KIF11: variants seen among roughly 807,000 people sequenced by gnomAD.
KIF11 encodes the protein kinesin family member 11.
Under a neutral mutation model 121.0 loss-of-function variants are expected in KIF11, and 9 were observed. That is an observed-to-expected ratio of 0.07 (90% CI 0.04 to 0.13). KIF11 has a LOEUF of 0.13. Among genes scored for constraint, KIF11 ranks in the 10% least tolerant of loss-of-function variants. The probability of loss-of-function intolerance (pLI) is 1.00; values close to 1 mark genes in which losing one functional copy is unlikely to be tolerated. For missense variants in KIF11, 846 were observed against 1,217.5 expected, an observed-to-expected ratio of 0.69 and a Z score of 4.54; for synonymous variants, 408 against 421.0, an observed-to-expected ratio of 0.97 and a Z score of 0.38.
intron 4 of KIF11, among the ~76,000 whole-genome samples, chr10:92,608,369 G>A (rs1208676890): frequency 6.6e-6 from 1 of 151,794 alleles, no homozygotes; most frequent in African/African-American, 2.4e-5. Flanking sequence ...AGATAATAAA[G>A]TTATGAAATT....
intron 21 of KIF11, among the ~76,000 whole-genome samples, chr10:92,651,092 T>C (rs1040236626): frequency 6.6e-6 from 1 of 152,094 alleles, no homozygotes; most frequent in Non-Finnish European, 1.5e-5. Context: ...AGTGGCACGA[T>C]CTTGGCTCAC....
In KIF11 at chr10:92,607,150, T is replaced by TTAAATTAACACTTTTAATTTAACA; in HGVS notation, c.309-9_309-8insTAAATTAACACTTTTAATTTAACA. 1 of 1,562,320 alleles carries TTAAATTAACACTTTTAATTTAACA rather than the reference T, an allele frequency of 6.4e-7. No individual in the cohort carries two copies. The highest frequency in any genetic ancestry group is 1.3e-5 in the African/African-American group (1 of 74,098). ...TTCTTTTTGATTTAACACTTGTTAA[T>TTAAATTAACACTTTTAATTTAACA]CTTTACAGGTATGGCCAAACTGGCA... On this transcript the variant is annotated splice_polypyrimidine_tract_variant and intron_variant, in intron 3 of 21. Transcript: ENST00000260731.
In KIF11 at chr10:92,613,248, A is replaced by G. The variant is rs1039898421; in HGVS notation, c.789+118A>G. 97 of 1,074,258 alleles carry G rather than the reference A, an allele frequency of 9.0e-5. 1 individual carries two copies. The African/African-American group carries it at 1.4e-3, about 16-fold the overall frequency. The allele number at this position is 1,074,258 out of a possible 1,614,324, so 66.5% of individuals were successfully genotyped here. A position where few individuals can be genotyped will look rare whatever the true frequency, so the allele number is the denominator to read the frequency against. On this transcript the variant is annotated intron_variant, in intron 7 of 21. Coordinates refer to ENST00000260731, the MANE Select transcript of KIF11 (RefSeq NM_004523.4). This position sits in a 1 kb window ranked among gnomAD's most constrained non-coding sequence, Gnocchi z 4.2. ...TGGGTGATTAGCTTTGTAGTGGGAG[A>G]AGAAATTTGTTAATTACAGAAAAAA...
In KIF11 at chr10:92,648,108, C is replaced by CAAAAA. The variant is rs34357393; in HGVS notation, c.2548-94_2548-90dup. 4.2e-4 allele frequency: 289 copies of CAAAAA among 685,378 alleles called. 1 individual carries two copies. The African/African-American group carries it at 5.1e-3, about 12-fold the overall frequency. 42.5% of individuals were successfully genotyped at this position (685,378 alleles called of 1,614,324 possible). Reference sequence around the variant, plus strand: ...TGGGCAACAGAGTGAGACTTGTCTCCAAAAAAAAAAAAAATTATGGAAAAG... The same window carrying CAAAAA: ...TGGGCAACAGAGTGAGACTTGTCTCCAAAAAAAAAAAAAAAAAAATTATGGAAAAG... On this transcript the variant is annotated intron_variant, in intron 18 of 21. Transcript: ENST00000260731.
chr10:92,615,623 T>C (rs1338316128), intron 8 of KIF11, among the ~76,000 whole-genome samples: 1 of 152,148 alleles, frequency 6.6e-6, no homozygotes, highest in Admixed American at 6.5e-5. Context: ...TGAAATTACT[T>C]TTCCATTTGC....
chr10:92,602,249 A>C (rs1288053883), intron 1 of KIF11, among the ~76,000 whole-genome samples: 1 of 152,128 alleles, frequency 6.6e-6, no homozygotes, highest in Non-Finnish European at 1.5e-5. Context: ...TGGCTTTGGT[A>C]TCAGGGTAAT....
intron 19 of KIF11, among the ~76,000 whole-genome samples, chr10:92,649,576 C>G (rs1199354249): frequency 6.6e-6 from 1 of 152,084 alleles, no homozygotes; most frequent in Non-Finnish European, 1.5e-5. Flanking sequence ...TATAACACAT[C>G]TTTTATATAT....
intron 9 of KIF11, among the ~76,000 whole-genome samples, chr10:92,619,615 G>A (rs6583829): frequency 0.15 from 22,682 of 151,962 alleles, 3,602 homozygotes; most frequent in African/African-American, 0.4. Context: ...TGAGTGATCT[G>A]ATTTCTTCAC....
Position 92,649,997 on chromosome 10 carries a change from A to G in KIF11, c.2922+11A>G. The G allele has an allele frequency of 6.3e-7, 1 of 1,594,666 alleles. No homozygotes were observed. The highest frequency in any genetic ancestry group is 8.6e-7 in the Non-Finnish European group (1 of 1,164,588). On this transcript the variant is annotated intron_variant, in intron 20 of 21. Transcript: ENST00000260731. The stretch of plus-strand genomic sequence containing the variant: ...GAAGAGACAATTCCGGTAAATTTAA[A>G]GGATCATATTTTATAATAGAACTCT...
intron 1 of KIF11, among the ~76,000 whole-genome samples, chr10:92,598,682 G>T (rs1442045589): frequency 6.6e-6 from 1 of 152,216 alleles, no homozygotes; most frequent in Non-Finnish European, 1.5e-5. Context: ...ACTTTGGGTA[G>T]TATTGGCATC....
At position 92,653,724 on chromosome 10, in the gene KIF11, T is replaced by C; in HGVS notation, c.3099T>C (p.Ser1033=). The C allele has an allele frequency of 1.2e-6, 2 of 1,613,360 alleles. No homozygotes were observed. Among genetic ancestry groups the C allele is most frequent in the Admixed American group, 1.7e-5 (1 of 60,020 alleles). ...GAGGCATTAACACACTGGAGAGGTC[T>C]AAAGTGGAAGAAACTACAGAGCACT... ...ENRGINTLER[S]KVEETTEHLV... The change falls in exon 22 of 22, where the codon TCT becomes TCC. Residue 1033 remains serine (S), a synonymous_variant. Coordinates refer to ENST00000260731, the MANE Select transcript of KIF11 (RefSeq NM_004523.4).
At chr10:92,601,548 T>A (rs1844371732) in intron 1 of KIF11, among the ~76,000 whole-genome samples, 1 of 152,022 alleles carries the variant, frequency 6.6e-6, no homozygotes, top group Non-Finnish European at 1.5e-5. Context: ...AGCTAGAACT[T>A]ACAGTATTAT....
chr10:92,609,797 C>T (rs553219694), intron 6 of KIF11, among the ~76,000 whole-genome samples: 29 of 152,142 alleles, frequency 1.9e-4, no homozygotes, highest in Non-Finnish European at 3.5e-4. Flanking sequence ...AGTGCAGTGG[C>T]GCGATCTTGA....
At chr10:92,643,286 T>A (rs1844885137) in intron 17 of KIF11, among the ~76,000 whole-genome samples, 1 of 152,198 alleles carries the variant, frequency 6.6e-6, no homozygotes, top group Non-Finnish European at 1.5e-5. Flanking sequence ...TTTTAAATAT[T>A]CCCTTTTTAG....
chr10:92,630,897 ATAACT>A (rs1315468978), intron 12 of KIF11, among the ~76,000 whole-genome samples: 4 of 150,954 alleles, frequency 2.6e-5, no homozygotes, highest in Admixed American at 2.6e-4. Flanking sequence ...AAAATAGAAC[ATAACT>A]TTATAATATA....
intron 17 of KIF11, among the ~76,000 whole-genome samples, chr10:92,643,958 T>G: frequency 6.6e-6 from 1 of 152,218 alleles, no homozygotes. Flanking sequence ...CATGTTCCAT[T>G]GTGAACTCTT....
chr10:92,599,306 C>T (rs1479920858), intron 1 of KIF11, among the ~76,000 whole-genome samples: 1 of 151,744 alleles, frequency 6.6e-6, no homozygotes, highest in African/African-American at 2.4e-5. Flanking sequence ...AACTCCTGAT[C>T]ACGAGATCAG....
At chr10:92,612,130 T>A (rs1405414272) in intron 6 of KIF11, among the ~76,000 whole-genome samples, 1 of 149,918 alleles carries the variant, frequency 6.7e-6, no homozygotes, top group Non-Finnish European at 1.5e-5. Flanking sequence ...TTTGCTTGTT[T>A]GTTTTTTTGT....
intron 18 of KIF11, among the ~76,000 whole-genome samples, chr10:92,646,318 T>C (rs1844919118): frequency 6.6e-6 from 1 of 152,218 alleles, no homozygotes; most frequent in Non-Finnish European, 1.5e-5. Flanking sequence ...TTTAGGTTAT[T>C]GTTCTGGTAA....
Sources: gnomAD v4.1 joint callset for allele counts (sites outside exome capture counted in the v4.1 genomes callset) on GRCh38, gnomAD v4.1.1 for gene constraint, Gnocchi (gnomAD v3.1) non-coding constraint, MANE v1.5 for transcripts, NCBI Gene and HGNC (gene_info 2026-07-23, HGNC 2026-07-21) for gene names.